SCP2: variants seen among roughly 807,000 people sequenced by gnomAD.
SCP2 encodes SCP-2/3-oxoacyl-CoA thiolase.
SCP2 carries 48 observed loss-of-function variants against 71.4 expected under a neutral mutation model. The ratio of observed to expected loss-of-function variants is 0.67; its 90% confidence interval spans 0.53 to 0.86. The LOEUF (loss-of-function observed/expected upper bound fraction) is 0.86. Among genes scored for constraint, SCP2 ranks in the 40% least tolerant of loss-of-function variants. SCP2 has a pLI of 0.00. For missense variants in SCP2, 560 were observed against 655.6 expected, an observed-to-expected ratio of 0.85 and a Z score of 1.59; for synonymous variants, 220 against 218.1, an observed-to-expected ratio of 1.01 and a Z score of -0.08.
intron 15 of SCP2, chr1:53,049,158 G>A (rs926081614): frequency 6.6e-6 from 1 of 152,206 alleles, no homozygotes; most frequent in Non-Finnish European, 1.5e-5. Flanking sequence ...ACCAGTATAG[G>A]AGCTGGCTGT....
intron 6 of SCP2, among the ~76,000 whole-genome samples, chr1:52,962,114 G>A (rs1656520625): frequency 6.6e-6 from 1 of 152,074 alleles, no homozygotes; most frequent in Non-Finnish European, 1.5e-5. Flanking sequence ...TGTTGCCCAG[G>A]CTGGTCTCAA....
intron 1 of SCP2, among the ~76,000 whole-genome samples, chr1:52,929,035 G>C (rs181757068): frequency 8.5e-4 from 129 of 152,136 alleles, no homozygotes; most frequent in Admixed American, 1.8e-3. Context: ...GGTAGAGGTC[G>C]GGGAGGTGTT....
intron 15 of SCP2, 99 bp from the exon 16 acceptor site, chr1:53,050,510 C>G (rs773328976): frequency 7.7e-6 from 6 of 780,916 alleles, no homozygotes; most frequent in Non-Finnish European, 1.1e-5. Flanking sequence ...AGTCATGTGA[C>G]CTGGATAAAT....
At chr1:52,960,821 C>T (rs146783756) in intron 5 of SCP2, among the ~76,000 whole-genome samples, 200 of 149,566 alleles carry the variant, frequency 1.3e-3, no homozygotes, top group Non-Finnish European at 2.3e-3. Context: ...GGTGTGATCT[C>T]GGCTCACTGC....
Position 52,954,720 on chromosome 1 carries a change from T to C in SCP2, c.332-20T>C, listed in dbSNP as rs1217527792. 6.2e-7 allele frequency: 1 copy of C among 1,606,882 alleles called. No homozygotes were observed. The highest frequency in any genetic ancestry group is 8.5e-7 in the Non-Finnish European group (1 of 1,173,476). ...TGTTTGGAAATTTGAATTTTCAAAA[T>C]AATTACGTTTTCCTTTAAGGTGTGG... is the stretch of plus-strand genomic sequence containing the variant. On this transcript the variant is annotated intron_variant, in intron 4 of 15. Transcript: ENST00000371514.
At chr1:52,964,906 C>T (rs1486574980) in intron 6 of SCP2, among the ~76,000 whole-genome samples, 2 of 151,946 alleles carry the variant, frequency 1.3e-5, no homozygotes, top group East Asian at 1.9e-4. Flanking sequence ...CCCAGCTACT[C>T]GGGAGGCTGA....
chr1:52,989,414 G>C (rs1659275616), intron 11 of SCP2, among the ~76,000 whole-genome samples: 1 of 152,198 alleles, frequency 6.6e-6, no homozygotes, highest in South Asian at 2.1e-4. Flanking sequence ...ATCTCTGTGA[G>C]AGCAACGAGC....
At position 53,014,979 on chromosome 1, in the gene SCP2, A is replaced by T. The variant is rs939136447; in HGVS notation, c.1171A>T (p.Asn391Tyr). ...TGGTGCAAAGGTGGCTCTGCAGCAT[A>T]ATTTAGGCATTGGAGGAGCTGTGGT... Reference protein sequence around the residue: ...VPGAKVALQHNLGIGGAVVVT... With the variant: ...VPGAKVALQHYLGIGGAVVVT... The change falls in exon 12 of 16, where the codon AAT (asparagine) becomes TAT (tyrosine). Residue 391 changes from asparagine (N) to tyrosine (Y), a missense_variant. By Grantham distance (143) the Asn-to-Tyr change is moderately radical. Around this residue, in one of 3 missense-constraint regions of SCP2, gnomAD observed 513 missense variants for 573.1 expected, o/e 0.90. Coordinates refer to ENST00000371514, the MANE Select transcript of SCP2 (RefSeq NM_002979.5). The T allele has an allele frequency of 2.5e-6, 4 of 1,614,148 alleles. No individual in the cohort carries two copies. Among genetic ancestry groups the T allele is most frequent in the Non-Finnish European group, 3.4e-6 (4 of 1,179,998 alleles).
chr1:53,024,769 A>G (rs1662001549), intron 12 of SCP2, among the ~76,000 whole-genome samples: 1 of 151,868 alleles, frequency 6.6e-6, no homozygotes, highest in Non-Finnish European at 1.5e-5. Flanking sequence ...ACGGGGTTTC[A>G]CTATGTTGGC....
chr1:53,025,403 TCTAGCTGG>T (rs1317916111), intron 12 of SCP2, among the ~76,000 whole-genome samples: 1 of 152,206 alleles, frequency 6.6e-6, no homozygotes, highest in African/African-American at 2.4e-5. Context: ...CCATTTTATC[TCTAGCTGG>T]CCCTCTCCAC....
At chr1:53,028,810 C>G (rs892380497) in intron 13 of SCP2, among the ~76,000 whole-genome samples, 2 of 152,086 alleles carry the variant, frequency 1.3e-5, no homozygotes, top group African/African-American at 4.8e-5. Flanking sequence ...GTGTCTTGCT[C>G]TGTCACCCAG....
chr1:52,947,117 C>T (rs1030852456), intron 2 of SCP2, among the ~76,000 whole-genome samples: 3 of 148,486 alleles, frequency 2.0e-5, no homozygotes, highest in Non-Finnish European at 3.0e-5. Flanking sequence ...TGTGGTGACT[C>T]ATGTCTCTTA....
intron 14 of SCP2, among the ~76,000 whole-genome samples, chr1:53,039,924 A>G (rs28476576): frequency 0.32 from 48,107 of 152,100 alleles, 12,721 homozygotes; most frequent in African/African-American, 0.72. Context: ...ACTGAACTAC[A>G]GATATTTCTT....
chr1:52,960,598 ATATG>A (rs1352194532), intron 5 of SCP2, among the ~76,000 whole-genome samples: 1 of 143,714 alleles, frequency 7.0e-6, no homozygotes. Context: ...GTATATGTAT[ATATG>A]TATGTATATA....
chr1:52,954,006 C>T (rs1462527183), intron 4 of SCP2, among the ~76,000 whole-genome samples: 2 of 150,392 alleles, frequency 1.3e-5, no homozygotes, highest in African/African-American at 4.9e-5. Context: ...AAAAAACAAC[C>T]AAAACCCAGC....
intron 5 of SCP2, among the ~76,000 whole-genome samples, chr1:52,957,243 A>G (rs1032729744): frequency 5.9e-5 from 9 of 152,048 alleles, no homozygotes; most frequent in African/African-American, 2.2e-4. Flanking sequence ...CTGTCTATTT[A>G]ATCTTGTCCC....
chr1:53,017,860 C>G (rs1661441451), intron 12 of SCP2, among the ~76,000 whole-genome samples: 1 of 152,036 alleles, frequency 6.6e-6, no homozygotes, highest in African/African-American at 2.4e-5. Flanking sequence ...TTTCTTTTTT[C>G]TTTTCTTTTT....
chr1:52,956,781 G>A (rs1404139619), intron 5 of SCP2, among the ~76,000 whole-genome samples: 1 of 151,702 alleles, frequency 6.6e-6, no homozygotes, highest in Non-Finnish European at 1.5e-5. Flanking sequence ...TTTCAGCAGT[G>A]AATGGTACAT....
intron 2 of SCP2, chr1:52,943,870 C>T: frequency 2.2e-6 from 1 of 448,296 alleles, no homozygotes; most frequent in Non-Finnish European, 4.5e-6. Context: ...CTTTTATAGC[C>T]AGTTGCTTCC....
Sources: allele counts gnomAD v4.1 joint callset (sites outside exome capture counted in the v4.1 genomes callset), GRCh38; gene constraint gnomAD v4.1.1; regional missense constraint gnomAD v4.1.1; transcripts MANE v1.5; gene names NCBI Gene and HGNC (gene_info 2026-07-23, HGNC 2026-07-21).